Variants in DST observed in about 807,000 individuals in gnomAD.
DST encodes the protein bullous pemphigoid antigen.
In DST, 253 loss-of-function variants were observed where a neutral mutation model predicts 875.2. That is an observed-to-expected ratio of 0.29 (90% CI 0.26 to 0.32). The LOEUF is 0.32. Ranked by LOEUF, DST falls within the 10% of genes least tolerant of loss-of-function variation. DST has a pLI of 1.00. For missense variants in DST, 8,287 were observed against 9,111.6 expected, an observed-to-expected ratio of 0.91 and a Z score of 3.68; for synonymous variants, 3,124 against 3,197.1, an observed-to-expected ratio of 0.98 and a Z score of 0.77.
At chr6:56,485,206 T>C (rs2095522204) in intron 88 of DST, 106 bp downstream of exon 88, 4 of 1,262,588 alleles carry the variant, frequency 3.2e-6, no homozygotes, top group East Asian at 2.3e-5. Flanking sequence ...TTATGTAGTA[T>C]GATCTATAGT....
At chr6:56,535,060 C>T in intron 63 of DST, 62 bp downstream of exon 63, 4 of 1,576,796 alleles carry the variant, frequency 2.5e-6, no homozygotes, top group Non-Finnish European at 1.7e-6. Flanking sequence ...TCACAATTTG[C>T]ATTTTTTCTC....
chr6:56,635,027 T>G, intron 24 of DST, 74 bp from the exon 25 acceptor site: 1 of 1,259,596 alleles, frequency 7.9e-7, no homozygotes, highest in Non-Finnish European at 1.1e-6. Context: ...TTTACACAAA[T>G]TAAACTTCAT....
intron 3 of DST, among the ~76,000 whole-genome samples, chr6:56,885,146 C>T (rs1784119849): frequency 6.6e-6 from 1 of 152,164 alleles, no homozygotes; most frequent in Non-Finnish European, 1.5e-5. Context: ...CACATACAGG[C>T]TACTGTGAGG....
chr6:56,768,971 C>T (rs1355240130), intron 4 of DST, among the ~76,000 whole-genome samples: 1 of 152,148 alleles, frequency 6.6e-6, no homozygotes, highest in African/African-American at 2.4e-5. Context: ...GAGCCAAGAT[C>T]ACACCACTGC....
In DST at chr6:56,609,134, G is replaced by A. The variant is rs75984189; in HGVS notation, c.5494C>T (p.Leu1832=). Residue 1832 remains leucine, a synonymous_variant, in exon 40 of 104, where the codon CTG becomes TTG. Coordinates refer to ENST00000680361, the MANE Select transcript of DST (RefSeq NM_001374736.1). ...TTACTTAGTTCTTTGAGTTGGCACAGAATTTGTTCATCAATAAGGCCATGA... is the reference window on the plus strand; with the variant it reads ...TTACTTAGTTCTTTGAGTTGGCACAAAATTTGTTCATCAATAAGGCCATGA... ...KSHGLIDEQI[L]CQLKELSKAK... The A allele has an allele frequency of 1.1e-3, 1,847 of 1,613,808 alleles. 17 individuals carry two copies. In the African/African-American group the frequency reaches 0.022, roughly 19 times the overall value.
intron 9 of DST, among the ~76,000 whole-genome samples, chr6:56,698,593 G>T (rs1270718399): frequency 1.3e-5 from 2 of 152,134 alleles, no homozygotes; most frequent in Non-Finnish European, 2.9e-5. Flanking sequence ...CCAAAGTGTT[G>T]GGATTACAGG....
intron 4 of DST, among the ~76,000 whole-genome samples, chr6:56,847,419 A>G (rs1254739102): frequency 6.6e-6 from 1 of 152,252 alleles, no homozygotes; most frequent in Non-Finnish European, 1.5e-5. Flanking sequence ...TGATTATGCC[A>G]TTCCATTGCT....
At chr6:56,893,945 CAGA>C (rs1365117065) in intron 3 of DST, among the ~76,000 whole-genome samples, 2 of 17,270 alleles carry the variant, frequency 1.2e-4, no homozygotes, top group Non-Finnish European at 2.1e-4. Context: ...GATCCCAAGG[CAGA>C]AGAATTTTTC....
chr6:56,742,733 G>T (rs554050986), intron 4 of DST, among the ~76,000 whole-genome samples: 11 of 151,972 alleles, frequency 7.2e-5, no homozygotes, highest in Non-Finnish European at 1.0e-4. Flanking sequence ...GAATTTCCCT[G>T]CAATAAAAAT....
rs772818886 is a variant in DST, at chr6:56,640,227, A to C, written c.2406T>G (p.Ser802=). ...CTGTTAAATTTTGATCCAGCAAAGAAGACTTTAGAAGGGGTTTTCGGATCT... is the reference window on the plus strand; with the variant it reads ...CTGTTAAATTTTGATCCAGCAAAGACGACTTTAGAAGGGGTTTTCGGATCT... ...LMQIRKPLLK[S]SLLDQNLTEE... The change falls in exon 18 of 104, where the codon TCT becomes TCG. Residue 802 remains serine (S), a synonymous_variant. Coordinates refer to ENST00000680361, the MANE Select transcript of DST (RefSeq NM_001374736.1). 14 of 1,614,094 alleles carry C rather than the reference A, an allele frequency of 8.7e-6. No individual in the cohort carries two copies. The highest frequency in any genetic ancestry group is 1.7e-5 in the Admixed American group (1 of 59,996).
chr6:56,549,179 T>C (rs993630096), intron 61 of DST, among the ~76,000 whole-genome samples: 7 of 152,208 alleles, frequency 4.6e-5, no homozygotes, highest in African/African-American at 1.4e-4. Context: ...GGGTAATAGC[T>C]ATTATTCTCA....
chr6:56,885,802 A>T (rs990103265), intron 3 of DST, among the ~76,000 whole-genome samples: 2 of 152,192 alleles, frequency 1.3e-5, no homozygotes, highest in Non-Finnish European at 2.9e-5. Flanking sequence ...AGAGTGAGAA[A>T]ATAAATTTCT....
At chr6:56,898,815 T>C (rs1028803864) in intron 3 of DST, among the ~76,000 whole-genome samples, 3 of 152,250 alleles carry the variant, frequency 2.0e-5, no homozygotes, top group Non-Finnish European at 4.4e-5. Flanking sequence ...TATCTGTAAA[T>C]ATTTCTGGAG....
intron 57 of DST, 100 bp downstream of exon 57, chr6:56,561,208 A>G: frequency 7.6e-7 from 1 of 1,313,202 alleles, no homozygotes. Flanking sequence ...TTACAGAGCT[A>G]GAAAAGAAAA....
At chr6:56,532,969 A>G (rs182514992) in intron 63 of DST, among the ~76,000 whole-genome samples, 2 of 152,330 alleles carry the variant, frequency 1.3e-5, no homozygotes, top group Admixed American at 1.3e-4. Flanking sequence ...TCCATTATAG[A>G]CAAGGAAGTT....
intron 3 of DST, among the ~76,000 whole-genome samples, chr6:56,869,459 G>A (rs185833527): frequency 1.9e-4 from 29 of 152,062 alleles, no homozygotes; most frequent in Non-Finnish European, 4.0e-4. Flanking sequence ...AGCCAAAGGA[G>A]TCTCAGTGAA....
intron 2 of DST, among the ~76,000 whole-genome samples, chr6:56,925,478 C>T (rs1287361973): frequency 1.3e-5 from 2 of 152,144 alleles, no homozygotes; most frequent in African/African-American, 4.8e-5. Context: ...GAGATAGGCA[C>T]CCACATTGAC....
At chr6:56,464,126 T>C (rs1460904877) in intron 100 of DST, 2 of 381,442 alleles carry the variant, frequency 5.2e-6, no homozygotes, top group African/African-American at 4.2e-5. Flanking sequence ...TACCCTCTCA[T>C]CACACTGAGA....
intron 92 of DST, among the ~76,000 whole-genome samples, chr6:56,475,934 G>A (rs922772068): frequency 2.0e-5 from 3 of 152,118 alleles, no homozygotes; most frequent in African/African-American, 7.2e-5. Flanking sequence ...ACCCCACAGA[G>A]GACAAAGAAG....
Sources: allele counts gnomAD v4.1 joint callset (sites outside exome capture counted in the v4.1 genomes callset), GRCh38; gene constraint gnomAD v4.1.1; transcripts MANE v1.5; gene names NCBI Gene and HGNC (gene_info 2026-07-23, HGNC 2026-07-21).